DIPK1A: variants seen among roughly 807,000 people sequenced by gnomAD.
DIPK1A encodes the protein family with sequence similarity 69 member A.
DIPK1A carries 27 observed loss-of-function variants against 40.8 expected under a neutral mutation model. That is an observed-to-expected ratio of 0.66 (90% CI 0.49 to 0.91). The LOEUF is 0.91. Among genes scored for constraint, DIPK1A ranks in the 40% least tolerant of loss-of-function variants. The pLI is 0.00. For missense variants in DIPK1A, 412 were observed against 505.7 expected, an observed-to-expected ratio of 0.81 and a Z score of 1.78; for synonymous variants, 166 against 171.3, an observed-to-expected ratio of 0.97 and a Z score of 0.24.
At chr1:92,895,349 C>T (rs1301316442) in intron 1 of DIPK1A, among the ~76,000 whole-genome samples, 1 of 152,088 alleles carries the variant, frequency 6.6e-6, no homozygotes, top group Non-Finnish European at 1.5e-5. Flanking sequence ...GCTGGTTCAA[C>T]ATATACAAAT....
At chr1:92,867,468 A>T (rs1045995103) in intron 2 of DIPK1A, among the ~76,000 whole-genome samples, 1 of 152,156 alleles carries the variant, frequency 6.6e-6, no homozygotes, top group Non-Finnish European at 1.5e-5. Context: ...ATGGAACACA[A>T]GATAGACCAC....
chr1:92,861,596 G>C (rs180904138), intron 2 of DIPK1A, among the ~76,000 whole-genome samples: 7 of 151,920 alleles, frequency 4.6e-5, no homozygotes, highest in Admixed American at 6.6e-5. Context: ...CAATGTGCTG[G>C]GATTACAGGC....
chr1:92,908,089 T>C (rs766212586), intron 1 of DIPK1A, among the ~76,000 whole-genome samples: 55 of 151,974 alleles, frequency 3.6e-4, no homozygotes, highest in Admixed American at 1.8e-3. Context: ...GACAAAAACA[T>C]TGGGGAAGGA....
intron 1 of DIPK1A, among the ~76,000 whole-genome samples, chr1:92,950,390 C>T (rs1450567839): frequency 6.6e-6 from 1 of 152,090 alleles, no homozygotes; most frequent in East Asian, 1.9e-4. Context: ...AAGAGCGGTG[C>T]TCAGAACTCT....
intron 1 of DIPK1A, among the ~76,000 whole-genome samples, chr1:92,952,455 A>G (rs1252383487): frequency 6.6e-6 from 1 of 152,116 alleles, no homozygotes; most frequent in East Asian, 1.9e-4. Context: ...CCTGGTCTCT[A>G]CAAAAAATAC....
At chr1:92,943,884 G>C (rs944930604) in intron 1 of DIPK1A, among the ~76,000 whole-genome samples, 7 of 152,110 alleles carry the variant, frequency 4.6e-5, no homozygotes, top group Admixed American at 4.6e-4. Context: ...ACATGAGAAA[G>C]TCCAGCAGCA....
chr1:92,892,892 A>G (rs1571098409), intron 1 of DIPK1A, among the ~76,000 whole-genome samples: 1 of 152,144 alleles, frequency 6.6e-6, no homozygotes, highest in East Asian at 1.9e-4. Context: ...AACTGGAAGA[A>G]AGGGTATCAG....
chr1:92,848,598 T>C (rs1201805891), intron 3 of DIPK1A, among the ~76,000 whole-genome samples: 1 of 152,208 alleles, frequency 6.6e-6, no homozygotes, highest in East Asian at 1.9e-4. Flanking sequence ...GAGATCCTCT[T>C]CCACCCCCAG....
intron 1 of DIPK1A, among the ~76,000 whole-genome samples, chr1:92,902,696 T>A (rs748138969): frequency 1.3e-5 from 2 of 152,172 alleles, no homozygotes; most frequent in Non-Finnish European, 2.9e-5. Context: ...AGGGAGAAAT[T>A]TCCCCTGGTT....
At position 92,850,835 on chromosome 1, in the gene DIPK1A, A is replaced by G. The variant is rs750109739; in HGVS notation, c.297+13T>C. ...CACTATAATTCTGGAATGTTTATTC[A>G]TAATGGCCATACCTGATTGTTGGGC... On this transcript the variant is annotated intron_variant, in intron 3 of 4. Transcript: ENST00000370310. 2 of 1,466,162 alleles carry G rather than the reference A, an allele frequency of 1.4e-6. No individual in the cohort carries two copies. The highest frequency in any genetic ancestry group is 1.4e-5 in the African/African-American group (1 of 70,784). 90.8% of individuals were successfully genotyped at this position (1,466,162 alleles called of 1,614,324 possible). A position where few individuals can be genotyped will look rare whatever the true frequency, so the allele number is the denominator to read the frequency against.
chr1:92,891,922 T>G (rs1648903593), intron 1 of DIPK1A, among the ~76,000 whole-genome samples: 1 of 152,090 alleles, frequency 6.6e-6, no homozygotes, highest in Admixed American at 6.6e-5. Context: ...AGCACAGCAG[T>G]CTGAGATCAA....
intron 1 of DIPK1A, among the ~76,000 whole-genome samples, chr1:92,911,607 C>T (rs1649827424): frequency 2.6e-5 from 4 of 152,210 alleles, no homozygotes; most frequent in South Asian, 4.1e-4. Context: ...TGGGGTATTA[C>T]AAATTAAGCT....
intron 1 of DIPK1A, among the ~76,000 whole-genome samples, chr1:92,936,570 G>T (rs925946273): frequency 6.7e-6 from 1 of 150,082 alleles, no homozygotes; most frequent in East Asian, 2.0e-4. Context: ...CTGAGGTTGC[G>T]ATGGGCCGAG....
chr1:92,896,818 A>G (rs1649188015), intron 1 of DIPK1A, among the ~76,000 whole-genome samples: 1 of 151,736 alleles, frequency 6.6e-6, no homozygotes, highest in Admixed American at 6.6e-5. Context: ...GAAAAAAACA[A>G]ACAACCCCAT....
chr1:92,921,969 G>C (rs1454351249), intron 1 of DIPK1A, among the ~76,000 whole-genome samples: 2 of 151,982 alleles, frequency 1.3e-5, no homozygotes, highest in African/African-American at 4.8e-5. Flanking sequence ...TTTCCTGGTA[G>C]AGCAGTCACA....
chr1:92,939,266 C>T (rs943513672), intron 1 of DIPK1A, among the ~76,000 whole-genome samples: 1 of 152,094 alleles, frequency 6.6e-6, no homozygotes, highest in Non-Finnish European at 1.5e-5. Flanking sequence ...ACATTTATAA[C>T]CAAATACTAT....
downstream of DIPK1A, chr1:92,837,593 A>G: frequency 6.2e-7 from 1 of 1,612,166 alleles, no homozygotes; most frequent in Non-Finnish European, 8.5e-7. Flanking sequence ...TACAAGAAAC[A>G]GTTCTCTCAA....
rs1687672193 is a variant in DIPK1A, at chr1:92,847,271, T to A, written c.386A>T (p.Glu129Val). Residue 129 changes from glutamate to valine, a missense_variant, in exon 4 of 5, where the codon GAA (glutamate) becomes GTA (valine). Coordinates refer to ENST00000370310, the MANE Select transcript of DIPK1A (RefSeq NM_001006605.5). Reference protein sequence around the residue: ...ALHLDFGTELEPRKEIVLFDK... With the variant: ...ALHLDFGTELVPRKEIVLFDK... ...AAATAGCACTATTTCTTTTCTTGGT[T>A]CCAATTCAGTTCCAAAATCAAGATG... 2.5e-6 allele frequency: 4 copies of A among 1,612,630 alleles called. No homozygotes were observed. Among genetic ancestry groups the A allele is most frequent in the African/African-American group, 1.3e-5 (1 of 74,972 alleles).
At chr1:92,940,302 T>A (rs978674031) in intron 1 of DIPK1A, among the ~76,000 whole-genome samples, 1 of 152,224 alleles carries the variant, frequency 6.6e-6, no homozygotes, top group Non-Finnish European at 1.5e-5. Flanking sequence ...CTTGCCTGTT[T>A]AGAACATGGC....
Sources: gnomAD v4.1 joint callset for allele counts (sites outside exome capture counted in the v4.1 genomes callset) on GRCh38, gnomAD v4.1.1 for gene constraint, MANE v1.5 for transcripts, NCBI Gene and HGNC (gene_info 2026-07-23, HGNC 2026-07-21) for gene names.